The following LRRC4C variants were observed in gnomAD, a reference collection of about 807,000 sequenced individuals.
The protein encoded by LRRC4C is leucine rich repeat containing 4C.
In LRRC4C, 5 loss-of-function variants were observed where a neutral mutation model predicts 33.6. The ratio of observed to expected loss-of-function variants is 0.15; its 90% confidence interval spans 0.08 to 0.31. The LOEUF is 0.31. Ranked by LOEUF, LRRC4C falls within the 10% of genes least tolerant of loss-of-function variation. The probability of loss-of-function intolerance (pLI) is 1.00; values close to 1 mark genes in which losing one functional copy is unlikely to be tolerated. For synonymous variants in LRRC4C, 329 were observed against 302.0 expected, an observed-to-expected ratio of 1.09 and a Z score of -0.93; for missense variants, 560 against 796.7, an observed-to-expected ratio of 0.70 and a Z score of 3.58.
chr11:40,697,776 T>G (rs930901655), intron 2 of LRRC4C, among the ~76,000 whole-genome samples: 2 of 152,046 alleles, frequency 1.3e-5, no homozygotes, highest in Admixed American at 6.6e-5. Context: ...CTGCTGTTAT[T>G]TTACAAAAAT....
intron 2 of LRRC4C, among the ~76,000 whole-genome samples, chr11:40,803,904 T>G (rs936899323): frequency 4.6e-5 from 7 of 152,260 alleles, no homozygotes; most frequent in Admixed American, 3.9e-4. Context: ...GCATTTATCC[T>G]TTGTGTTACA....
At chr11:40,616,923 CAAAA>C (rs949895416) in intron 3 of LRRC4C, among the ~76,000 whole-genome samples, 1 of 143,842 alleles carries the variant, frequency 7.0e-6, no homozygotes, top group Non-Finnish European at 1.5e-5. Context: ...AAAAAACTGC[CAAAA>C]AAAAAAGAAA....
At chr11:40,336,953 G>T (rs1346768116) in intron 3 of LRRC4C, among the ~76,000 whole-genome samples, 1 of 95,646 alleles carries the variant, frequency 1.0e-5, no homozygotes, top group Non-Finnish European at 2.1e-5. Context: ...CTCCAGCCTG[G>T]GGGACAGAGC....
chr11:40,851,939 T>C (rs923813997), intron 2 of LRRC4C, among the ~76,000 whole-genome samples: 6 of 152,154 alleles, frequency 3.9e-5, no homozygotes, highest in African/African-American at 1.4e-4. Context: ...TCCCTGCTAT[T>C]GCAAACAAAC....
At chr11:40,726,482 C>T (rs1025841116) in intron 2 of LRRC4C, among the ~76,000 whole-genome samples, 2 of 152,108 alleles carry the variant, frequency 1.3e-5, no homozygotes, top group African/African-American at 4.8e-5. Context: ...TCCTGGGAAG[C>T]AAGATTGGTT....
At chr11:40,788,102 G>A (rs1266946687) in intron 2 of LRRC4C, among the ~76,000 whole-genome samples, 1 of 152,144 alleles carries the variant, frequency 6.6e-6, no homozygotes. Context: ...ACATGCAGAA[G>A]TTCTCACATC....
intron 1 of LRRC4C, among the ~76,000 whole-genome samples, chr11:41,310,692 C>G (rs964407086): frequency 6.6e-6 from 1 of 152,104 alleles, no homozygotes; most frequent in Non-Finnish European, 1.5e-5. Context: ...CTTCTTACAA[C>G]AGCATTCATA....
At chr11:41,046,507 C>A (rs1188780176) in intron 1 of LRRC4C, among the ~76,000 whole-genome samples, 1 of 152,146 alleles carries the variant, frequency 6.6e-6, no homozygotes, top group Non-Finnish European at 1.5e-5. Flanking sequence ...TTAAAGACAT[C>A]ACTCTTGTTA....
intron 1 of LRRC4C, among the ~76,000 whole-genome samples, chr11:40,952,883 CA>C (rs1958771201): frequency 1.1e-5 from 1 of 93,408 alleles, no homozygotes; most frequent in African/African-American, 3.4e-5. Context: ...CACACACACA[CA>C]CACACACACA....
rs1227274322 is a variant in LRRC4C, at chr11:41,279,424, A to ACC, written c.-496+180006_-496+180007insGG. On this transcript the variant is annotated intron_variant, in intron 1 of 6. Transcript: ENST00000528697. ...CACACACACACACACACACACACAC[A>ACC]CACACCGTGGCAATCACTGCCTGCA... Among the ~76,000 whole-genome samples, 797 of 128,696 alleles carry ACC rather than the reference A, an allele frequency of 6.2e-3. 26 individuals are homozygous for ACC. In the East Asian group the frequency reaches 0.071, roughly 12 times the overall value. The allele number at this position is 128,696 out of a possible 152,430, so 84.4% of individuals were successfully genotyped here.
chr11:40,649,982 G>A lies in LRRC4C; in HGVS notation c.-406-1704C>T, dbSNP rs530536123. Among the ~76,000 whole-genome samples the A allele has an allele frequency of 1.2e-4, 19 of 152,210 alleles. No individual in the cohort carries two copies. In the East Asian group the frequency reaches 3.7e-3, roughly 29 times the overall value. ...ATTCTCTTGTTTTAGTCAGATGATG[G>A]GGAAGACCATTGATTATTGCTTTGT... is the stretch of plus-strand genomic sequence containing the variant. On this transcript the variant is annotated intron_variant, in intron 2 of 6. Coordinates refer to ENST00000528697, the MANE Select transcript of LRRC4C (RefSeq NM_001258419.2).
chr11:41,281,071 T>TC (rs1026392367), intron 1 of LRRC4C, among the ~76,000 whole-genome samples: 3 of 135,264 alleles, frequency 2.2e-5, no homozygotes, highest in African/African-American at 8.5e-5. Context: ...TCTCTCTCTC[T>TC]CTCTGTCCTC....
intron 5 of LRRC4C, among the ~76,000 whole-genome samples, chr11:40,202,041 T>C (rs1250510236): frequency 6.6e-6 from 1 of 152,078 alleles, no homozygotes; most frequent in African/African-American, 2.4e-5. Context: ...CCTACACTTA[T>C]AAGCTATGGA....
At chr11:40,370,327 C>G (rs1045457097) in intron 3 of LRRC4C, among the ~76,000 whole-genome samples, 1 of 152,140 alleles carries the variant, frequency 6.6e-6, no homozygotes, top group Admixed American at 6.5e-5. Flanking sequence ...CTAAAACACT[C>G]GCTGAAACGA....
intron 3 of LRRC4C, among the ~76,000 whole-genome samples, chr11:40,480,565 C>A (rs1425136495): frequency 6.6e-6 from 1 of 151,576 alleles, no homozygotes; most frequent in African/African-American, 2.4e-5. Flanking sequence ...GACACTAAAC[C>A]CCTGCAACAC....
At chr11:41,163,284 G>GTTTTTTTTTTTGTT (rs1555095279) in intron 1 of LRRC4C, among the ~76,000 whole-genome samples, 1 of 73,382 alleles carries the variant, frequency 1.4e-5, no homozygotes, top group South Asian at 6.4e-4. Flanking sequence ...TACTGTAACT[G>GTTTTTTTTTTTGTT]TTTTTTTTTT....
chr11:40,768,653 A>G (rs192476867), intron 2 of LRRC4C, among the ~76,000 whole-genome samples: 4 of 152,256 alleles, frequency 2.6e-5, no homozygotes, highest in Non-Finnish European at 4.4e-5. Context: ...ACCAAGTGGG[A>G]TTTATCTCAG....
chr11:40,478,711 A>G (rs1202179510), intron 3 of LRRC4C, among the ~76,000 whole-genome samples: 1 of 152,188 alleles, frequency 6.6e-6, no homozygotes, highest in East Asian at 1.9e-4. Flanking sequence ...GTAAAAACCT[A>G]TTCAAAATAT....
At chr11:40,289,848 T>C (rs932920232) in intron 4 of LRRC4C, among the ~76,000 whole-genome samples, 16 of 152,106 alleles carry the variant, frequency 1.1e-4, no homozygotes, top group Non-Finnish European at 2.2e-4. Context: ...GTGGAGGGGA[T>C]GGGAGGACAC....
Sources: gnomAD v4.1 joint callset for allele counts (sites outside exome capture counted in the v4.1 genomes callset) on GRCh38, gnomAD v4.1.1 for gene constraint, MANE v1.5 for transcripts, NCBI Gene and HGNC (gene_info 2026-07-23, HGNC 2026-07-21) for gene names.